RCHY1: variants seen among roughly 807,000 people sequenced by gnomAD.
RCHY1 encodes ring finger and CHY zinc finger domain containing 1.
A neutral mutation model predicts 41.6 loss-of-function variants in RCHY1; 21 were observed. The ratio of observed to expected loss-of-function variants is 0.51; its 90% CI spans 0.36 to 0.73. The LOEUF is 0.73. Ranked by LOEUF, RCHY1 falls within the 30% of genes least tolerant of loss-of-function variation. The pLI, the probability that RCHY1 is intolerant of heterozygous loss-of-function variation, is 0.00. For missense variants in RCHY1, 265 were observed against 325.3 expected, an observed-to-expected ratio of 0.81 and a Z score of 1.43; for synonymous variants, 79 against 102.9, an observed-to-expected ratio of 0.77 and a Z score of 1.41.
chr4:75,509,894 C>T (rs1291284193), intron 1 of RCHY1: 1 of 157,012 alleles, frequency 6.4e-6, no homozygotes, highest in East Asian at 1.8e-4. Context: ...TCTTCCCAGT[C>T]TTGGGTATGT....
intron 1 of RCHY1, among the ~76,000 whole-genome samples, chr4:75,512,904 G>GC (rs1725067892): frequency 7.1e-5 from 1 of 14,120 alleles, no homozygotes; most frequent in Non-Finnish European, 1.1e-4. Context: ...GGTATTTAAG[G>GC]GGGGGGGGGG....
At chr4:75,489,793 T>C (rs925813315) in intron 8 of RCHY1, among the ~76,000 whole-genome samples, 4 of 152,186 alleles carry the variant, frequency 2.6e-5, no homozygotes, top group Admixed American at 6.5e-5. Flanking sequence ...CTTCACAATC[T>C]AGAATCTGGA....
intron 1 of RCHY1, among the ~76,000 whole-genome samples, chr4:75,512,681 A>G (rs1050295483): frequency 3.9e-5 from 6 of 152,080 alleles, no homozygotes; most frequent in Non-Finnish European, 7.4e-5. Context: ...CTAAACCCCA[A>G]GAATACCCTA....
At chr4:75,485,601 A>C (rs985511296) in intron 8 of RCHY1, among the ~76,000 whole-genome samples, 1 of 152,216 alleles carries the variant, frequency 6.6e-6, no homozygotes, top group Non-Finnish European at 1.5e-5. Context: ...CTAAAGTCTT[A>C]GCTGTGTGCT....
chr4:75,505,069 C>T (rs887434075), intron 3 of RCHY1, among the ~76,000 whole-genome samples: 2 of 152,082 alleles, frequency 1.3e-5, no homozygotes, highest in African/African-American at 4.8e-5. Context: ...TTCCATGGAC[C>T]GAGGTTGGGG....
chr4:75,506,885 G>A (rs1360942026), intron 3 of RCHY1, among the ~76,000 whole-genome samples: 1 of 152,046 alleles, frequency 6.6e-6, no homozygotes, highest in Non-Finnish European at 1.5e-5. Flanking sequence ...AAAACAGCGA[G>A]AGGAGGATAA....
intron 3 of RCHY1, among the ~76,000 whole-genome samples, chr4:75,501,657 T>A (rs1723770616): frequency 6.6e-6 from 1 of 152,228 alleles, no homozygotes; most frequent in African/African-American, 2.4e-5. Flanking sequence ...ATTTGAAAAT[T>A]CTGTTATTCT....
Position 75,494,192 on chromosome 4 carries a change from A to C in RCHY1, c.327-13T>G, listed in dbSNP as rs893066011. The C allele has an allele frequency of 6.6e-7, 1 of 1,517,360 alleles. No individual in the cohort carries two copies. Among genetic ancestry groups the C allele is most frequent in the Non-Finnish European group, 9.0e-7 (1 of 1,116,728 alleles). The allele number at this position is 1,517,360 out of a possible 1,614,324, so 94.0% of individuals were successfully genotyped here. ...CTTTGGACCAATCCTAGCAAAACAC[A>C]TGAAAGCCAAAAGATTAGATTATTT... On this transcript the variant is annotated splice_polypyrimidine_tract_variant and intron_variant, in intron 3 of 8. Transcript: ENST00000324439.
In RCHY1 at chr4:75,494,120, T is replaced by G; in HGVS notation, c.386A>C (p.Asn129Thr). Residue 129 changes from asparagine (N) to threonine (T), a missense_variant, in exon 4 of 9, where the codon AAT becomes ACT. By Grantham distance (65) the Asn-to-Thr change is moderately conservative. Coordinates refer to ENST00000324439, the MANE Select transcript of RCHY1 (RefSeq NM_015436.4). ...ATATACCTTGTGTCTTCCTTGAAGA[T>G]TCATAGCTAGGCATAAGTTACATTT... Reference protein sequence around the residue: ...CLKCNLCLAMNLQGRHKCIEN... With the variant: ...CLKCNLCLAMTLQGRHKCIEN... The G allele has an allele frequency of 6.4e-7, 1 of 1,560,324 alleles. No homozygotes were observed. Among genetic ancestry groups the G allele is most frequent in the Non-Finnish European group, 8.6e-7 (1 of 1,157,320 alleles).
chr4:75,488,881 C>T (rs1361830721), intron 8 of RCHY1, among the ~76,000 whole-genome samples: 1 of 152,094 alleles, frequency 6.6e-6, no homozygotes, highest in Non-Finnish European at 1.5e-5. Flanking sequence ...TCAAGACCAG[C>T]CTGGCCAACA....
At position 75,487,162 on chromosome 4, in the gene RCHY1, A is replaced by T. The variant is rs577969743; in HGVS notation, c.657+3419T>A. ...TGACAGATTGGATGGATTTGTTTAC[A>T]AGGTTTTATTAAAATTCGCTTTAGT... On this transcript the variant is annotated intron_variant, in intron 8 of 8. Coordinates refer to ENST00000324439, the MANE Select transcript of RCHY1 (RefSeq NM_015436.4). Among the ~76,000 whole-genome samples the T allele has an allele frequency of 2.2e-4, 33 of 152,204 alleles. 1 individual carries two copies. The highest frequency in any genetic ancestry group is 7.7e-4 in the African/African-American group (32 of 41,574).
intron 3 of RCHY1, among the ~76,000 whole-genome samples, chr4:75,501,521 C>A (rs914661431): frequency 1.3e-5 from 2 of 152,088 alleles, no homozygotes; most frequent in African/African-American, 4.8e-5. Context: ...ATAAACATTT[C>A]AAATATTTTT....
intron 3 of RCHY1, among the ~76,000 whole-genome samples, chr4:75,505,644 T>C (rs1441130495): frequency 6.6e-6 from 1 of 152,120 alleles, no homozygotes; most frequent in African/African-American, 2.4e-5. Context: ...ATATATATGA[T>C]TTTTAAAATA....
chr4:75,500,237 C>T (rs1723625720), intron 3 of RCHY1, among the ~76,000 whole-genome samples: 1 of 152,206 alleles, frequency 6.6e-6, no homozygotes. Context: ...AAAATATGTA[C>T]ACCTAATACA....
rs1721333280 is a variant in RCHY1, at chr4:75,479,168, C to T, written c.*3370G>A. On this transcript the variant is annotated 3_prime_UTR_variant, in exon 9 of 9. Coordinates refer to ENST00000324439, the MANE Select transcript of RCHY1 (RefSeq NM_015436.4). ...TTTTACCACAAAAAATGGTATGAGG[C>T]AATAAATTTATTACATTGATTTAAT... 6.6e-6 allele frequency: 1 copy of T among 151,792 alleles called. No individual in the cohort carries two copies. The highest frequency in any genetic ancestry group is 6.6e-5 in the Admixed American group (1 of 15,228). 9.4% of individuals were successfully genotyped at this position (151,792 alleles called of 1,614,324 possible). A position where few individuals can be genotyped will look rare whatever the true frequency, so the allele number is the denominator to read the frequency against.
rs577123565 is a variant in RCHY1 at position 75,501,419 on chromosome 4, T to C, written c.327-7240A>G. Among the ~76,000 whole-genome samples, 219 of 152,374 alleles carry C rather than the reference T, an allele frequency of 1.4e-3. 6 individuals carry two copies. The South Asian group carries it at 0.044, about 31-fold the overall frequency. On this transcript the variant is annotated intron_variant, in intron 3 of 8. Coordinates refer to ENST00000324439, the MANE Select transcript of RCHY1 (RefSeq NM_015436.4). ...AATAGATTTTGCTTCCAATATCTTT[T>C]GGCAGATTTTTTAAAAATCAAAAGA...
chr4:75,493,859 C>A (rs981141068), intron 4 of RCHY1, among the ~76,000 whole-genome samples: 2 of 151,538 alleles, frequency 1.3e-5, no homozygotes, highest in African/African-American at 4.8e-5. Context: ...TGGAAGTTGC[C>A]AACATTATGC....
intron 4 of RCHY1, among the ~76,000 whole-genome samples, chr4:75,493,687 C>A (rs1722944167): frequency 6.6e-6 from 1 of 151,448 alleles, no homozygotes; most frequent in Admixed American, 6.6e-5. Flanking sequence ...ATTCCTACAT[C>A]CAGATTTAAA....
chr4:75,497,467 C>T (rs74868069), intron 3 of RCHY1, among the ~76,000 whole-genome samples: 2,506 of 152,256 alleles, frequency 0.016, 33 homozygotes, highest in Non-Finnish European at 0.026. Context: ...CATTTTCTGT[C>T]ACTTTCCTTT....
Sources: gnomAD v4.1 joint callset for allele counts (sites outside exome capture counted in the v4.1 genomes callset) on GRCh38, gnomAD v4.1.1 for gene constraint, MANE v1.5 for transcripts, NCBI Gene and HGNC (gene_info 2026-07-23, HGNC 2026-07-21) for gene names.